Variants in BACE1 observed in about 807,000 individuals in gnomAD.
BACE1 encodes beta-secretase 1, also known as APP beta-secretase.
Under a neutral mutation model 54.0 loss-of-function variants are expected in BACE1, and 21 were observed. That is an observed-to-expected ratio of 0.39 (90% confidence interval 0.28 to 0.56). The LOEUF (loss-of-function observed/expected upper bound fraction) is 0.56, where lower values mean the gene tolerates loss of function less well. BACE1 is among the 20% of genes least tolerant of loss of function. The pLI is 0.63. For missense variants in BACE1, 511 were observed against 661.2 expected (o/e 0.77, Z 2.49); for synonymous variants, 232 against 260.9 (o/e 0.89, Z 1.07).
chr11:117,293,785 C>G lies in BACE1; in HGVS notation c.705+86G>C. The G allele has an allele frequency of 7.0e-7, 1 of 1,419,162 alleles. No homozygotes were observed. Among genetic ancestry groups the G allele is most frequent in the Non-Finnish European group, 9.4e-7 (1 of 1,062,978 alleles). 87.9% of individuals were successfully genotyped at this position (1,419,162 alleles called of 1,614,324 possible). Reference sequence around the variant, plus strand: ...CTGATTCTAAGTATCGGAGCCAAAACTGTGGTGTAGCTTTCAGGAAGGGGA... The same window carrying G: ...CTGATTCTAAGTATCGGAGCCAAAAGTGTGGTGTAGCTTTCAGGAAGGGGA... On this transcript the variant is annotated intron_variant, in intron 4 of 8. Transcript: ENST00000313005. The surrounding 1 kb of genome is among the most constrained non-coding windows in gnomAD (Gnocchi z 4.1).
Position 117,293,262 on chromosome 11 carries a change from A to C in BACE1, c.706-74T>G. 6.6e-7 allele frequency: 1 copy of C among 1,522,878 alleles called. No homozygotes were observed. Among genetic ancestry groups the C allele is most frequent in the African/African-American group, 1.4e-5 (1 of 72,040 alleles). The allele number at this position is 1,522,878 out of a possible 1,614,324, so 94.3% of individuals were successfully genotyped here. A position where few individuals can be genotyped will look rare whatever the true frequency, so the allele number is the denominator to read the frequency against. ...TGAGTCCCCCAAGGACCAAGCAATA[A>C]GATCAGTGATTTCTTGGGGTGGCAA... On this transcript the variant is annotated intron_variant, in intron 4 of 8. Transcript: ENST00000313005. The surrounding 1 kb of genome is among the most constrained non-coding windows in gnomAD (Gnocchi z 4.1).
intron 1 of BACE1, among the ~76,000 whole-genome samples, chr11:117,311,415 G>A (rs1010736362): frequency 3.4e-4 from 52 of 151,962 alleles, no homozygotes; most frequent in African/African-American, 1.1e-3. Flanking sequence ...TTATCCTCCA[G>A]TTCACCCCAG....
chr11:117,291,620 C>G (rs1376222889), intron 6 of BACE1, 92 bp downstream of exon 6: 4 of 925,376 alleles, frequency 4.3e-6, no homozygotes, highest in Non-Finnish European at 7.0e-6. Context: ...GGTCTAAGTG[C>G]AGACATCTTG....
chr11:117,286,293 A>G lies in BACE1; in HGVS notation c.*3273T>C, dbSNP rs1335725645. 4 of 152,194 alleles carry G rather than the reference A, an allele frequency of 2.6e-5. No homozygotes were observed. The highest frequency in any genetic ancestry group is 5.9e-5 in the Non-Finnish European group (4 of 68,032). 9.4% of individuals were successfully genotyped at this position (152,194 alleles called of 1,614,324 possible). The stretch of plus-strand genomic sequence containing the variant: ...GTGGGTAGCTATCAGGAACTAGATC[A>G]TTTTCCACCTCTGCTTATTGTACTT... On this transcript the variant is annotated 3_prime_UTR_variant, in exon 9 of 9. Transcript: ENST00000313005.
At position 117,295,341 on chromosome 11, in the gene BACE1, G is replaced by A; in HGVS notation, c.357C>T (p.Ser119=). ...LHRYYQRQLS[S]TYRDLRKGVY... The stretch of plus-strand genomic sequence containing the variant: ...CACCCTTCCGGAGGTCCCGGTATGT[G>A]CTGGACCTGTGGAAAGAAGGCAGAG... The change falls in exon 3 of 9, where the codon AGC becomes AGT. Residue 119 remains serine, a synonymous_variant. Transcript: ENST00000313005. 1 of 1,611,592 alleles carries A rather than the reference G, an allele frequency of 6.2e-7. No individual in the cohort carries two copies. The highest frequency in any genetic ancestry group is 1.1e-5 in the South Asian group (1 of 91,056).
In BACE1 at chr11:117,312,935, G is replaced by A. The variant is rs112358463; in HGVS notation, c.261+2600C>T. Among the ~76,000 whole-genome samples the A allele has an allele frequency of 9.5e-3, 1,451 of 152,280 alleles. 24 individuals are homozygous for A. Among genetic ancestry groups the A allele is most frequent in the African/African-American group, 0.033 (1,390 of 41,544 alleles). On this transcript the variant is annotated intron_variant, in intron 1 of 8. Coordinates refer to ENST00000313005, the MANE Select transcript of BACE1 (RefSeq NM_012104.6). ...GGATGACCTTGTACTCGTCACTTCCGCCCTTTCACTTCCACTGTAACTCTA... is the reference window on the plus strand; with the variant it reads ...GGATGACCTTGTACTCGTCACTTCCACCCTTTCACTTCCACTGTAACTCTA...
At chr11:117,295,021 T>C in intron 3 of BACE1, 110 bp downstream of exon 3, 1 of 1,152,938 alleles carries the variant, frequency 8.7e-7, no homozygotes, top group Non-Finnish European at 1.3e-6. Flanking sequence ...AAATAATCCT[T>C]TAAACTGATT....
intron 1 of BACE1, among the ~76,000 whole-genome samples, chr11:117,311,766 G>A (rs1054835057): frequency 3.3e-5 from 5 of 152,010 alleles, no homozygotes; most frequent in Admixed American, 1.3e-4. Context: ...TCTGCCTCCC[G>A]AGTAGCTGGA....
intron 8 of BACE1, among the ~76,000 whole-genome samples, chr11:117,290,063 T>C (rs2034375515): frequency 6.6e-6 from 1 of 151,538 alleles, no homozygotes; most frequent in Non-Finnish European, 1.5e-5. Context: ...TAGTTCTGAG[T>C]TGACCAAAAG....
Position 117,289,673 on chromosome 11 carries a change from C to T in BACE1, c.1399G>A (p.Ala467Thr), listed in dbSNP as rs552807233. The change falls in exon 9 of 9, where the codon GCC becomes ACC. Residue 467 changes from alanine (A) to threonine (T), a missense_variant. Around this residue, in one of 2 missense-constraint regions of BACE1, gnomAD observed 407 missense variants for 565.7 expected, o/e 0.72. Transcript: ENST00000313005. ...AGGCAGAGTGGCAGCATGAAGAGGGCGCAGATGGCAGCCATGACATAGGCT... is the reference window on the plus strand; with the variant it reads ...AGGCAGAGTGGCAGCATGAAGAGGGTGCAGATGGCAGCCATGACATAGGCT... ...TIAYVMAAIC[A>T]LFMLPLCLMV... 20 of 1,614,114 alleles carry T rather than the reference C, an allele frequency of 1.2e-5. No homozygotes were observed. The highest frequency in any genetic ancestry group is 8.9e-5 in the East Asian group (4 of 44,874).
intron 6 of BACE1, 77 bp from the exon 7 acceptor site, chr11:117,291,126 A>G: frequency 6.6e-7 from 1 of 1,521,126 alleles, no homozygotes; most frequent in Non-Finnish European, 8.9e-7. Flanking sequence ...AGATACATTA[A>G]CTGGGCCCTT....
intron 2 of BACE1, chr11:117,295,564 C>CCTAT: frequency 6.5e-7 from 1 of 1,535,660 alleles, no homozygotes; most frequent in Non-Finnish European, 8.7e-7. Context: ...GGCTTGCTCT[C>CCTAT]CTATCTATTG....
intron 1 of BACE1, among the ~76,000 whole-genome samples, chr11:117,314,117 A>G (rs1370548227): frequency 6.6e-6 from 1 of 152,184 alleles, no homozygotes; most frequent in Admixed American, 6.5e-5. Context: ...CATGGGGTCC[A>G]TGCACAGTGT....
At chr11:117,302,359 A>C (rs1053195683) in intron 1 of BACE1, among the ~76,000 whole-genome samples, 25 of 151,948 alleles carry the variant, frequency 1.6e-4, no homozygotes, top group Admixed American at 1.4e-3. Flanking sequence ...AAAACAAAAC[A>C]AAACCAACCA....
At chr11:117,297,456 C>A in intron 1 of BACE1, 1 of 154,802 alleles carries the variant, frequency 6.5e-6, no homozygotes, top group Non-Finnish European at 1.4e-5. Context: ...TCTGTCTCTA[C>A]TAAAAATACA....
intron 2 of BACE1, chr11:117,295,803 C>T (rs1053768190): frequency 1.8e-5 from 11 of 598,500 alleles, no homozygotes; most frequent in Non-Finnish European, 2.1e-5. Context: ...TGTGGAACCT[C>T]TACAGCAAGT....
chr11:117,308,264 G>A (rs774024384), intron 1 of BACE1, among the ~76,000 whole-genome samples: 1 of 152,104 alleles, frequency 6.6e-6, no homozygotes, highest in Non-Finnish European at 1.5e-5. Flanking sequence ...TTGCTCCCTT[G>A]TCTATACCTA....
chr11:117,302,066 G>A (rs561099258), intron 1 of BACE1, among the ~76,000 whole-genome samples: 21 of 152,320 alleles, frequency 1.4e-4, no homozygotes, highest in African/African-American at 4.8e-4. Context: ...GGGTGCGGTG[G>A]CTCACGCCTG....
rs1255271013 is a variant in BACE1, at chr11:117,315,738, G to A, written c.58C>T (p.His20Tyr). Residue 20 changes from histidine to tyrosine, a missense_variant, in exon 1 of 9, where the codon CAC becomes TAC. Physicochemically the swap from His to Tyr is moderately conservative, Grantham distance 83 (BLOSUM62 2). Coordinates refer to ENST00000313005, the MANE Select transcript of BACE1 (RefSeq NM_012104.6). This position sits in a 1 kb window ranked among gnomAD's most constrained non-coding sequence, Gnocchi z 5.5. Reference sequence around the variant, plus strand: ...AGCCGGATGCCGTGCTGGGTGCCGTGGGCAGGCAGCACTCCCGCGCCCATC... The same window carrying A: ...AGCCGGATGCCGTGCTGGGTGCCGTAGGCAGGCAGCACTCCCGCGCCCATC... ...LWMGAGVLPA[H>Y]GTQHGIRLPL... The A allele has an allele frequency of 2.7e-6, 4 of 1,476,698 alleles. No individual in the cohort carries two copies. Among genetic ancestry groups the A allele is most frequent in the Non-Finnish European group, 2.7e-6 (3 of 1,117,876 alleles). The allele number at this position is 1,476,698 out of a possible 1,614,324, so 91.5% of individuals were successfully genotyped here.
Sources: allele counts gnomAD v4.1 joint callset (sites outside exome capture counted in the v4.1 genomes callset), GRCh38; gene constraint gnomAD v4.1.1; regional missense constraint gnomAD v4.1.1; non-coding constraint Gnocchi (gnomAD v3.1); transcripts MANE v1.5; gene names NCBI Gene and HGNC (gene_info 2026-07-23, HGNC 2026-07-21).